CUL5: variants seen among roughly 807,000 people sequenced by gnomAD.
CUL5 encodes the protein cullin-5.
Under a neutral mutation model 108.8 loss-of-function variants are expected in CUL5, and 26 were observed. The ratio of observed to expected loss-of-function variants is 0.24; its 90% CI spans 0.18 to 0.33. The LOEUF is 0.33. CUL5 is among the 10% of genes least tolerant of loss of function. The pLI is 1.00. For synonymous variants in CUL5, 334 were observed against 298.0 expected (o/e 1.12, Z -1.25); for missense variants, 524 against 909.2 (o/e 0.58, Z 5.45).
intron 14 of CUL5, 98 bp from the exon 15 acceptor site, chr11:108,094,714 T>C: frequency 2.0e-6 from 2 of 1,011,176 alleles, no homozygotes; most frequent in Non-Finnish European, 2.8e-6. Context: ...ACAAAATCTT[T>C]ATAGTCTTAT....
intron 1 of CUL5, among the ~76,000 whole-genome samples, chr11:108,010,422 T>G (rs976882449): frequency 3.9e-5 from 6 of 152,328 alleles, no homozygotes; most frequent in Admixed American, 3.9e-4. Flanking sequence ...GTCTAATAGA[T>G]GGGACTGTCT....
rs564523879 is a variant in CUL5 at position 108,048,133 on chromosome 11, T to C, written c.235-1757T>C. Among the ~76,000 whole-genome samples, 54 of 151,866 alleles carry C rather than the reference T, an allele frequency of 3.6e-4. No homozygotes were observed. The South Asian group carries it at 5.2e-3, about 15-fold the overall frequency. On this transcript the variant is annotated intron_variant, in intron 3 of 18. Transcript: ENST00000393094. ...CGCTTAAGAAATTTTTTTTTTTTTTTCATGAATCATTTTACTTAGGCAATC... is the reference window on the plus strand; with the variant it reads ...CGCTTAAGAAATTTTTTTTTTTTTTCCATGAATCATTTTACTTAGGCAATC...
intron 13 of CUL5, among the ~76,000 whole-genome samples, chr11:108,093,469 G>T (rs1168638880): frequency 6.6e-6 from 1 of 152,118 alleles, no homozygotes; most frequent in Non-Finnish European, 1.5e-5. Context: ...ACCACAGTCA[G>T]CTTTCTTCTA....
intron 2 of CUL5, among the ~76,000 whole-genome samples, chr11:108,038,648 C>A (rs1156313597): frequency 6.7e-6 from 1 of 150,274 alleles, no homozygotes; most frequent in Non-Finnish European, 1.5e-5. Context: ...CCACTCCAGC[C>A]TGGGAAACAA....
chr11:108,026,174 G>T (rs1862447208), intron 1 of CUL5, among the ~76,000 whole-genome samples: 1 of 151,864 alleles, frequency 6.6e-6, no homozygotes, highest in South Asian at 2.1e-4. Context: ...GTCTTGTTCT[G>T]CTTGGGAAAA....
intron 7 of CUL5, among the ~76,000 whole-genome samples, chr11:108,067,392 G>A (rs539268424): frequency 9.9e-5 from 15 of 152,134 alleles, no homozygotes; most frequent in Admixed American, 5.2e-4. Context: ...TTTAATCCTC[G>A]TTGTAACCCA....
At position 108,095,625 on chromosome 11, in the gene CUL5, A is replaced by G; in HGVS notation, c.1839A>G (p.Lys613=). 1 of 1,614,104 alleles carries G rather than the reference A, an allele frequency of 6.2e-7. No homozygotes were observed. Among genetic ancestry groups the G allele is most frequent in the East Asian group, 2.2e-5 (1 of 44,864 alleles). ...CATGGAACCAAAGACCCAGAGAGAAAATCAGCTTTGAAAATCTTAAGCTTG... is the reference window on the plus strand; with the variant it reads ...CATGGAACCAAAGACCCAGAGAGAAGATCAGCTTTGAAAATCTTAAGCTTG... ...LFAWNQRPRE[K]ISFENLKLAT... The change falls in exon 16 of 19, where the codon AAA becomes AAG. Residue 613 remains lysine, a synonymous_variant. Transcript: ENST00000393094.
chr11:108,048,234 T>C (rs1426798004), intron 3 of CUL5, among the ~76,000 whole-genome samples: 2 of 151,672 alleles, frequency 1.3e-5, no homozygotes, highest in African/African-American at 4.8e-5. Context: ...GAAATGTTTA[T>C]AACATTTTTT....
At chr11:108,019,914 G>T (rs1331731608) in intron 1 of CUL5, among the ~76,000 whole-genome samples, 1 of 152,132 alleles carries the variant, frequency 6.6e-6, no homozygotes, top group Admixed American at 6.5e-5. Flanking sequence ...GGGATCCTGT[G>T]TGTGTAGAGA....
At chr11:108,096,120 C>T (rs1864485994) in intron 16 of CUL5, among the ~76,000 whole-genome samples, 1 of 149,206 alleles carries the variant, frequency 6.7e-6, no homozygotes, top group African/African-American at 2.5e-5. Flanking sequence ...ATTATGCACA[C>T]ACACACACAC....
chr11:108,052,217 C>A (rs1481494174), intron 4 of CUL5, among the ~76,000 whole-genome samples: 4 of 152,258 alleles, frequency 2.6e-5, no homozygotes, highest in Admixed American at 2.6e-4. Context: ...GTGATCCTCC[C>A]ACCTTGGCCT....
intron 15 of CUL5, 72 bp downstream of exon 15, chr11:108,095,059 T>C: frequency 7.8e-7 from 1 of 1,289,202 alleles, no homozygotes; most frequent in Non-Finnish European, 1.1e-6. Flanking sequence ...CAGAATTGCT[T>C]AAACAAAATA....
intron 7 of CUL5, among the ~76,000 whole-genome samples, chr11:108,066,501 T>C (rs1431249641): frequency 6.6e-6 from 1 of 152,224 alleles, no homozygotes; most frequent in Non-Finnish European, 1.5e-5. Flanking sequence ...TCTGTTACTT[T>C]TTTTTTTGGA....
intron 2 of CUL5, among the ~76,000 whole-genome samples, chr11:108,039,820 A>G (rs895401324): frequency 6.6e-6 from 1 of 152,162 alleles, no homozygotes; most frequent in African/African-American, 2.4e-5. Flanking sequence ...CTATAACTTT[A>G]TCATGGATCT....
intron 11 of CUL5, among the ~76,000 whole-genome samples, chr11:108,087,690 G>A (rs1374337737): frequency 3.3e-5 from 5 of 152,106 alleles, no homozygotes; most frequent in African/African-American, 7.2e-5. Flanking sequence ...AGCCAGGTGC[G>A]GTGGCCCACG....
In CUL5 at chr11:108,101,190, A is replaced by G. The variant is rs1352089141; in HGVS notation, c.2148+2661A>G. Among the ~76,000 whole-genome samples the G allele has an allele frequency of 2.0e-5, 3 of 152,240 alleles. No homozygotes were observed. In the East Asian group the frequency reaches 5.8e-4, roughly 29 times the overall value. Reference sequence around the variant, plus strand: ...TCAGACTTTATTTCCTCCTGATCCTACTCCATTCATCCTCATTCATTGCTA... The same window carrying G: ...TCAGACTTTATTTCCTCCTGATCCTGCTCCATTCATCCTCATTCATTGCTA... On this transcript the variant is annotated intron_variant, in intron 18 of 18. Transcript: ENST00000393094.
chr11:108,092,344 T>G (rs1352088446), intron 13 of CUL5, among the ~76,000 whole-genome samples: 2 of 152,212 alleles, frequency 1.3e-5, no homozygotes, highest in Non-Finnish European at 1.5e-5. Flanking sequence ...GCAATTTCAC[T>G]CTTAGGTAAT....
chr11:108,015,916 G>GTTTTGT (rs1394378625), intron 1 of CUL5, among the ~76,000 whole-genome samples: 4 of 152,056 alleles, frequency 2.6e-5, no homozygotes, highest in African/African-American at 4.8e-5. Flanking sequence ...AAAAAGAGAG[G>GTTTTGT]TTTTGTTTTT....
chr11:108,059,004 G>T (rs1591305383), intron 7 of CUL5, among the ~76,000 whole-genome samples: 1 of 152,102 alleles, frequency 6.6e-6, no homozygotes, highest in East Asian at 1.9e-4. Flanking sequence ...TAAGCCAAAT[G>T]CCTTTTGTGT....
Sources: allele counts gnomAD v4.1 joint callset (sites outside exome capture counted in the v4.1 genomes callset), GRCh38; gene constraint gnomAD v4.1.1; transcripts MANE v1.5; gene names NCBI Gene and HGNC (gene_info 2026-07-23, HGNC 2026-07-21).